The following REDIC1 variants were observed in gnomAD, a reference collection of about 807,000 sequenced individuals.
REDIC1 encodes regulator of DNA class I crossover intermediates 1.
chr12:39,646,787 C>T, the REDIC1 span: 4 of 1,198,442 alleles, frequency 3.3e-6, no homozygotes, highest in African/African-American at 1.5e-5. Context: ...TAGGAAAGGA[C>T]AGTCGATTTT....
the REDIC1 span, chr12:39,684,292 A>G: frequency 1.1e-6 from 1 of 948,370 alleles, no homozygotes; most frequent in Non-Finnish European, 1.3e-6. Context: ...GTTTCTAGCT[A>G]AAATAGTCCT....
At chr12:39,632,696 C>G in the REDIC1 span, among the ~76,000 whole-genome samples, 166 of 152,254 alleles carry the variant, frequency 1.1e-3, no homozygotes, top group African/African-American at 3.8e-3. Context: ...GTCTAGTCTA[C>G]TACACACCTA....
the REDIC1 span, among the ~76,000 whole-genome samples, chr12:39,833,515 T>C: frequency 6.6e-6 from 1 of 152,018 alleles, no homozygotes; most frequent in South Asian, 2.1e-4. Context: ...ATCCTCAATG[T>C]CTTCATATTT....
chr12:39,711,733 GTGTA>G, the REDIC1 span, among the ~76,000 whole-genome samples: 8 of 119,276 alleles, frequency 6.7e-5, no homozygotes, highest in Non-Finnish European at 1.1e-4. Context: ...ACATGCATGT[GTGTA>G]TGTGTGTATA....
chr12:39,902,958 AGGAAAT>A, the REDIC1 span, among the ~76,000 whole-genome samples: 4 of 152,132 alleles, frequency 2.6e-5, no homozygotes, highest in Non-Finnish European at 5.9e-5. Flanking sequence ...ACTACGTTCC[AGGAAAT>A]GTTTGTTCAT....
the REDIC1 span, among the ~76,000 whole-genome samples, chr12:39,813,289 C>A: frequency 2.0e-5 from 3 of 152,020 alleles, no homozygotes; most frequent in African/African-American, 7.2e-5. Context: ...TTTATTTTGA[C>A]ATACATCAAA....
chr12:39,842,729 C>T, the REDIC1 span, among the ~76,000 whole-genome samples: 2 of 152,004 alleles, frequency 1.3e-5, no homozygotes, highest in African/African-American at 4.8e-5. Context: ...CTATCCAATT[C>T]CGGAACATTT....
the REDIC1 span, among the ~76,000 whole-genome samples, chr12:39,645,086 A>G: frequency 6.6e-6 from 1 of 151,922 alleles, no homozygotes; most frequent in East Asian, 1.9e-4. Context: ...AGAGATAGGG[A>G]TATTATTTTC....
At chr12:39,892,386 C>T in the REDIC1 span, among the ~76,000 whole-genome samples, 55 of 152,214 alleles carry the variant, frequency 3.6e-4, no homozygotes, top group South Asian at 6.2e-4. Context: ...CTGTCTGGCC[C>T]GGCCACAGGA....
At chr12:39,854,259 A>G in the REDIC1 span, among the ~76,000 whole-genome samples, 12,722 of 152,194 alleles carry the variant, frequency 0.084, 707 homozygotes, top group Non-Finnish European at 0.1. Flanking sequence ...TAATAATAAT[A>G]ACAGTATCTT....
chr12:39,836,274 C>A, the REDIC1 span, among the ~76,000 whole-genome samples: 2 of 152,188 alleles, frequency 1.3e-5, no homozygotes, highest in East Asian at 3.9e-4. Flanking sequence ...GCTGGGGGAA[C>A]TGAATGCAGA....
the REDIC1 span, among the ~76,000 whole-genome samples, chr12:39,803,464 A>G: frequency 6.6e-6 from 1 of 152,194 alleles, no homozygotes; most frequent in African/African-American, 2.4e-5. Flanking sequence ...AATTATTTAA[A>G]GAAGATATGT....
chr12:39,733,891 C>T, the REDIC1 span, among the ~76,000 whole-genome samples: 2 of 152,128 alleles, frequency 1.3e-5, no homozygotes, highest in South Asian at 2.1e-4. Context: ...TGGCTTCAGC[C>T]CCCTTTCCAG....
the REDIC1 span, among the ~76,000 whole-genome samples, chr12:39,740,497 A>G: frequency 6.6e-6 from 1 of 152,152 alleles, no homozygotes. Flanking sequence ...ATGTGCTGTA[A>G]ATTTTTAGTG....
chr12:39,897,175 C>T, the REDIC1 span, among the ~76,000 whole-genome samples: 2 of 152,108 alleles, frequency 1.3e-5, no homozygotes, highest in Non-Finnish European at 1.5e-5. Flanking sequence ...GTTAATTTTT[C>T]TAGGACTCAA....
chr12:39,704,508 G>T, the REDIC1 span, among the ~76,000 whole-genome samples: 2 of 152,236 alleles, frequency 1.3e-5, no homozygotes, highest in East Asian at 3.8e-4. Context: ...GTAGAAGGCA[G>T]TGTGGCGATT....
the REDIC1 span, among the ~76,000 whole-genome samples, chr12:39,714,850 T>C: frequency 6.6e-6 from 1 of 152,002 alleles, no homozygotes; most frequent in East Asian, 1.9e-4. Flanking sequence ...TTGCTGGCCA[T>C]TGGTATATCT....
chr12:39,844,117 A>T, the REDIC1 span, among the ~76,000 whole-genome samples: 3 of 152,050 alleles, frequency 2.0e-5, no homozygotes, highest in Admixed American at 2.0e-4. Flanking sequence ...ATTTGTATAA[A>T]CATTGATGTG....
chr12:39,762,852 A>ACTT, the REDIC1 span, among the ~76,000 whole-genome samples: 1 of 152,100 alleles, frequency 6.6e-6, no homozygotes, highest in South Asian at 2.1e-4. Flanking sequence ...AAAGCAACAC[A>ACTT]CTTTTAACTG....
Sources: gnomAD v4.1 joint callset for allele counts (sites outside exome capture counted in the v4.1 genomes callset) on GRCh38, gnomAD v4.1.1 for gene constraint, MANE v1.5 for transcripts, NCBI Gene and HGNC (gene_info 2026-07-23, HGNC 2026-07-21) for gene names.